XKR4: variants seen among roughly 807,000 people sequenced by gnomAD.
The protein encoded by XKR4 is XK related 4, also known as XK-related protein 4.
A neutral mutation model predicts 53.9 loss-of-function variants in XKR4; 12 were observed. The ratio of observed to expected loss-of-function variants is 0.22; its 90% CI spans 0.14 to 0.36. The LOEUF (loss-of-function observed/expected upper bound fraction) is 0.36, where lower values mean the gene tolerates loss of function less well. Ranked by LOEUF, XKR4 falls within the 10% of genes least tolerant of loss-of-function variation. XKR4 has a pLI of 1.00. For synonymous variants in XKR4, 354 were observed against 362.4 expected (o/e 0.98, Z 0.26); for missense variants, 799 against 859.5 (o/e 0.93, Z 0.88).
intron 1 of XKR4, among the ~76,000 whole-genome samples, chr8:55,150,477 C>A (rs1816826617): frequency 6.6e-6 from 1 of 152,142 alleles, no homozygotes; most frequent in Admixed American, 6.5e-5. Flanking sequence ...TAGTATGGTT[C>A]TTGTAAAGAT....
rs1336969087 is a variant in XKR4 at position 55,452,937 on chromosome 8, T to G, written c.1007-70344T>G. On this transcript the variant is annotated intron_variant, in intron 2 of 2. Coordinates refer to ENST00000327381, the MANE Select transcript of XKR4 (RefSeq NM_052898.2). ...CTGGCTGAACACTGTGCTCTCCTCCTTCTGCATCAGCTCCTGCTGCTTCTC... is the reference window on the plus strand; with the variant it reads ...CTGGCTGAACACTGTGCTCTCCTCCGTCTGCATCAGCTCCTGCTGCTTCTC... The G allele has an allele frequency of 3.8e-6, 3 of 786,762 alleles. No homozygotes were observed. In the Admixed American group the frequency reaches 5.3e-5, roughly 14 times the overall value. The allele number at this position is 786,762 out of a possible 1,614,324, so 48.7% of individuals were successfully genotyped here.
intron 1 of XKR4, among the ~76,000 whole-genome samples, chr8:55,303,194 T>C (rs1043152163): frequency 5.3e-5 from 8 of 152,092 alleles, no homozygotes; most frequent in African/African-American, 1.9e-4. Context: ...TTATTGAGAG[T>C]TTTTAGCATG....
chr8:55,147,174 A>G (rs572281061), intron 1 of XKR4, among the ~76,000 whole-genome samples: 1 of 152,376 alleles, frequency 6.6e-6, no homozygotes, highest in African/African-American at 2.4e-5. Flanking sequence ...TGTGAGAAAC[A>G]GGTATATAAG....
intron 2 of XKR4, among the ~76,000 whole-genome samples, chr8:55,496,704 T>A (rs1215379872): frequency 6.6e-6 from 1 of 152,204 alleles, no homozygotes; most frequent in Non-Finnish European, 1.5e-5. Context: ...TATATTTGAA[T>A]CTCTATATGT....
chr8:55,422,165 G>A (rs1033486375), intron 2 of XKR4, among the ~76,000 whole-genome samples: 25 of 152,148 alleles, frequency 1.6e-4, no homozygotes, highest in African/African-American at 5.6e-4. Context: ...AAAATTGGCA[G>A]TGAAAAAACA....
intron 1 of XKR4, among the ~76,000 whole-genome samples, chr8:55,167,571 C>T (rs751508244): frequency 3.9e-5 from 6 of 152,196 alleles, no homozygotes; most frequent in East Asian, 1.9e-4. Flanking sequence ...GGAAGCAAGA[C>T]ATGAATTTTT....
At chr8:55,247,341 T>C (rs750767038) in intron 1 of XKR4, among the ~76,000 whole-genome samples, 4 of 152,218 alleles carry the variant, frequency 2.6e-5, no homozygotes, top group Non-Finnish European at 4.4e-5. Flanking sequence ...AGCTTTGCTA[T>C]AGGACTTCTT....
chr8:55,477,694 C>A (rs556835500), intron 2 of XKR4, among the ~76,000 whole-genome samples: 1 of 132,384 alleles, frequency 7.6e-6, no homozygotes, highest in African/African-American at 3.6e-5. Flanking sequence ...GGATAACCAA[C>A]GCAGAGAGTC....
At position 55,354,709 on chromosome 8, in the gene XKR4, C is replaced by CA. The variant is rs144272182; in HGVS notation, c.807-2959dup. Reference sequence around the variant, plus strand: ...AATGATGTTTCTATAGACAATGAAACAAAAAAAAAACACACATGCACAAAA... The same window carrying CA: ...AATGATGTTTCTATAGACAATGAAACAAAAAAAAAAACACACATGCACAAAA... On this transcript the variant is annotated intron_variant, in intron 1 of 2. Transcript: ENST00000327381. Among the ~76,000 whole-genome samples, 1,285 of 142,166 alleles carry CA rather than the reference C, an allele frequency of 9.0e-3. 14 individuals carry two copies. The highest frequency in any genetic ancestry group is 0.026 in the South Asian group (116 of 4,416). 93.3% of individuals were successfully genotyped at this position (142,166 alleles called of 152,430 possible).
At chr8:55,398,825 C>T (rs1274963850) in intron 2 of XKR4, among the ~76,000 whole-genome samples, 2 of 152,208 alleles carry the variant, frequency 1.3e-5, no homozygotes, top group Non-Finnish European at 1.5e-5. Flanking sequence ...ATTGCAAGGG[C>T]AGCCAATGTG....
chr8:55,523,363 C>G lies in XKR4; in HGVS notation c.1089C>G (p.Asp363Glu). The G allele has an allele frequency of 6.2e-7, 1 of 1,614,232 alleles. No homozygotes were observed. The highest frequency in any genetic ancestry group is 8.5e-7 in the Non-Finnish European group (1 of 1,180,036). The change falls in exon 3 of 3, where the codon GAC becomes GAG. Residue 363 changes from aspartate (D) to glutamate (E), a missense_variant. Transcript: ENST00000327381. Reference sequence around the variant, plus strand: ...AGGCCCTCCGGGACTCTCGAGATGACAAGAAGCCCATCAGCTACATGGCCG... The same window carrying G: ...AGGCCCTCCGGGACTCTCGAGATGAGAAGAAGCCCATCAGCTACATGGCCG... ...YQKALRDSRD[D>E]KKPISYMAVI...
intron 1 of XKR4, among the ~76,000 whole-genome samples, chr8:55,247,855 C>CTTTCTTTCTTTCTTT (rs369983175): frequency 3.3e-5 from 2 of 59,892 alleles, no homozygotes; most frequent in African/African-American, 8.9e-5. Flanking sequence ...TTCTTTCTTT[C>CTTTCTTTCTTTCTTT]TTTTTTTTTT....
chr8:55,120,606 G>A (rs989679962), intron 1 of XKR4, among the ~76,000 whole-genome samples: 2 of 151,630 alleles, frequency 1.3e-5, no homozygotes, highest in African/African-American at 2.4e-5. Flanking sequence ...TGAATGGAAA[G>A]TACCGAAAGT....
intron 1 of XKR4, among the ~76,000 whole-genome samples, chr8:55,334,777 A>G (rs1741049315): frequency 6.6e-6 from 1 of 152,170 alleles, no homozygotes; most frequent in Admixed American, 6.5e-5. Context: ...CTTCCACAGG[A>G]GGAAGTCACA....
At chr8:55,103,859 A>G (rs1466478855) in intron 1 of XKR4, among the ~76,000 whole-genome samples, 15,583 of 94,956 alleles carry the variant, frequency 0.16, 1,414 homozygotes, top group Admixed American at 0.26. Context: ...TTGTATATAT[A>G]TATATATATA....
At chr8:55,487,713 C>A (rs1806215617) in intron 2 of XKR4, among the ~76,000 whole-genome samples, 1 of 152,192 alleles carries the variant, frequency 6.6e-6, no homozygotes, top group African/African-American at 2.4e-5. Context: ...ATGTGATCCA[C>A]CTGCCTCAGC....
chr8:55,357,106 T>G (rs924350143), intron 1 of XKR4, among the ~76,000 whole-genome samples: 2 of 152,230 alleles, frequency 1.3e-5, no homozygotes, highest in Non-Finnish European at 2.9e-5. Context: ...ATGCAGATTT[T>G]CAACTACATT....
Position 55,103,181 on chromosome 8 carries a change from C to T in XKR4, c.693C>T (p.Ser231=). 1 of 1,614,048 alleles carries T rather than the reference C, an allele frequency of 6.2e-7. No individual in the cohort carries two copies. The highest frequency in any genetic ancestry group is 8.5e-7 in the Non-Finnish European group (1 of 1,180,034). The stretch of plus-strand genomic sequence containing the variant: ...ACATCGCCGCGGCCAACAGCGGCAG[C>T]AACAGCAGCGGGGCTACCCGGGCCA... ...KSNIAAANSG[S]NSSGATRASG... is the part of the protein sequence containing the mutation. The change falls in exon 1 of 3, where the codon AGC becomes AGT. Residue 231 remains serine, a synonymous_variant. Coordinates refer to ENST00000327381, the MANE Select transcript of XKR4 (RefSeq NM_052898.2).
intron 1 of XKR4, among the ~76,000 whole-genome samples, chr8:55,299,535 A>G (rs1819149428): frequency 6.6e-6 from 1 of 152,220 alleles, no homozygotes; most frequent in African/African-American, 2.4e-5. Flanking sequence ...CAATGTCTTA[A>G]AGATAATTTA....
Sources: gnomAD v4.1 joint callset for allele counts (sites outside exome capture counted in the v4.1 genomes callset) on GRCh38, gnomAD v4.1.1 for gene constraint, MANE v1.5 for transcripts, NCBI Gene and HGNC (gene_info 2026-07-23, HGNC 2026-07-21) for gene names.